The following TBL1XR1 variants were observed in gnomAD, a reference collection of about 807,000 sequenced individuals.
TBL1XR1 encodes the protein TBL1X/Y related 1, also known as F-box-like/WD repeat-containing protein TBL1XR1.
Under a neutral mutation model 66.9 loss-of-function variants are expected in TBL1XR1, and 5 were observed. That is an observed-to-expected ratio of 0.07 (90% CI 0.04 to 0.16). The LOEUF (loss-of-function observed/expected upper bound fraction) is 0.16. Among genes scored for constraint, TBL1XR1 ranks in the 10% least tolerant of loss-of-function variants. The pLI is 1.00. For synonymous variants in TBL1XR1, 210 were observed against 206.0 expected, an observed-to-expected ratio of 1.02 and a Z score of -0.17; for missense variants, 238 against 623.2, an observed-to-expected ratio of 0.38 and a Z score of 6.58.
At chr3:177,132,750 C>T (rs576889340) in intron 1 of TBL1XR1, among the ~76,000 whole-genome samples, 1 of 152,120 alleles carries the variant, frequency 6.6e-6, no homozygotes, top group East Asian at 1.9e-4. Flanking sequence ...AGTTTGATTC[C>T]CACAAAAGTA....
chr3:177,080,291 C>T (rs1333214360), intron 2 of TBL1XR1, among the ~76,000 whole-genome samples: 1 of 152,088 alleles, frequency 6.6e-6, no homozygotes, highest in Non-Finnish European at 1.5e-5. Flanking sequence ...TAATGAGTAA[C>T]CCAAATTATG....
chr3:177,042,779 C>T (rs1261561961), intron 10 of TBL1XR1, among the ~76,000 whole-genome samples: 1 of 151,986 alleles, frequency 6.6e-6, no homozygotes, highest in Non-Finnish European at 1.5e-5. Context: ...AATCTTGGAG[C>T]TAAAGTTAAC....
upstream of TBL1XR1, among the ~76,000 whole-genome samples, chr3:177,201,340 G>C (rs980657341): frequency 6.6e-6 from 1 of 151,032 alleles, no homozygotes; most frequent in African/African-American, 2.4e-5. Flanking sequence ...GAAACCGAGA[G>C]GGGGAGGTTG....
intron 14 of TBL1XR1, among the ~76,000 whole-genome samples, chr3:177,031,832 C>A (rs1397766516): frequency 6.6e-6 from 1 of 151,670 alleles, no homozygotes; most frequent in African/African-American, 2.4e-5. Flanking sequence ...GCTTAATAAT[C>A]ATTTGTTCAA....
At chr3:177,177,940 C>G (rs1473723479) in intron 1 of TBL1XR1, among the ~76,000 whole-genome samples, 1 of 151,856 alleles carries the variant, frequency 6.6e-6, no homozygotes, top group Non-Finnish European at 1.5e-5. Context: ...GAATAAGGGT[C>G]TGATGGCTGA....
At chr3:177,120,117 C>A (rs1416518784) in intron 1 of TBL1XR1, among the ~76,000 whole-genome samples, 9 of 152,100 alleles carry the variant, frequency 5.9e-5, no homozygotes, top group Admixed American at 5.9e-4. Context: ...GAATTGATAA[C>A]CTTAACTTCT....
At chr3:177,051,344 C>T (rs1198518989) in intron 5 of TBL1XR1, among the ~76,000 whole-genome samples, 160 bp downstream of exon 5, 1 of 151,942 alleles carries the variant, frequency 6.6e-6, no homozygotes. Context: ...AACTATTGGG[C>T]ACTAGGCTTA....
chr3:177,176,874 C>G (rs1468460995), intron 1 of TBL1XR1, among the ~76,000 whole-genome samples: 1 of 151,968 alleles, frequency 6.6e-6, no homozygotes, highest in East Asian at 1.9e-4. Context: ...CAGCTACTGA[C>G]GAGGCTGAGG....
chr3:177,197,617 G>T (rs868780620), upstream of TBL1XR1, among the ~76,000 whole-genome samples: 5 of 138,396 alleles, frequency 3.6e-5, no homozygotes, highest in Non-Finnish European at 4.8e-5. Context: ...AGCGGCCTGC[G>T]CCGGGCGGGC....
chr3:177,196,541 C>G (rs2109027590), intron 1 of TBL1XR1: 1 of 148,486 alleles, frequency 6.7e-6, no homozygotes, highest in Admixed American at 6.7e-5. Context: ...CCGCAGCCCC[C>G]AGCACGCCGG....
At chr3:177,079,160 G>A (rs970761807) in intron 2 of TBL1XR1, among the ~76,000 whole-genome samples, 16 of 151,988 alleles carry the variant, frequency 1.1e-4, no homozygotes, top group Admixed American at 3.3e-4. Flanking sequence ...GGCCGGGTGC[G>A]GTGGCTCACA....
At chr3:177,092,089 G>A (rs1722905593) in intron 2 of TBL1XR1, among the ~76,000 whole-genome samples, 2 of 152,150 alleles carry the variant, frequency 1.3e-5, no homozygotes, top group African/African-American at 4.8e-5. Flanking sequence ...TGAAATATCT[G>A]CAGTATAACG....
chr3:177,177,072 A>G (rs1734243566), intron 1 of TBL1XR1, among the ~76,000 whole-genome samples: 1 of 152,140 alleles, frequency 6.6e-6, no homozygotes, highest in Non-Finnish European at 1.5e-5. Context: ...ATCCCAGCTG[A>G]CTCAATGCTC....
intron 2 of TBL1XR1, among the ~76,000 whole-genome samples, chr3:177,093,917 C>T (rs769968993): frequency 1.2e-4 from 19 of 152,158 alleles, no homozygotes; most frequent in South Asian, 2.1e-4. Context: ...GCTTGGGCAA[C>T]GACTTCATGA....
At chr3:177,045,856 T>A (rs908448687) in intron 10 of TBL1XR1, among the ~76,000 whole-genome samples, 2 of 152,050 alleles carry the variant, frequency 1.3e-5, no homozygotes, top group African/African-American at 4.8e-5. Context: ...AAACCTAGAT[T>A]TTCTGATTCA....
Position 177,020,174 on chromosome 3 carries a change from G to A in TBL1XR1, c.*5324C>T, listed in dbSNP as rs892377033. On this transcript the variant is annotated 3_prime_UTR_variant, in exon 16 of 16. Coordinates refer to ENST00000457928, the MANE Select transcript of TBL1XR1 (RefSeq NM_024665.7). ...TTGTGAAGCAAAAAAAGGTCACCGA[G>A]AAGTTGAGCCTCCTGCCCTAATCTT... 6.6e-6 allele frequency: 1 copy of A among 151,916 alleles called. No homozygotes were observed. Among genetic ancestry groups the A allele is most frequent in the Non-Finnish European group, 1.5e-5 (1 of 67,982 alleles). The allele number at this position is 151,916 out of a possible 1,614,324, so 9.4% of individuals were successfully genotyped here. A position where few individuals can be genotyped will look rare whatever the true frequency, so the allele number is the denominator to read the frequency against.
At chr3:177,100,476 T>G (rs1333297358) in intron 1 of TBL1XR1, among the ~76,000 whole-genome samples, 1 of 151,946 alleles carries the variant, frequency 6.6e-6, no homozygotes, top group Non-Finnish European at 1.5e-5. Flanking sequence ...CAGGCTGAAG[T>G]GCCATGGCAC....
chr3:177,166,669 C>A (rs1442820409), intron 1 of TBL1XR1, among the ~76,000 whole-genome samples: 5 of 152,194 alleles, frequency 3.3e-5, no homozygotes, highest in African/African-American at 9.7e-5. Context: ...CCCAGCCATG[C>A]AGAACTGTGA....
intron 1 of TBL1XR1, among the ~76,000 whole-genome samples, chr3:177,194,992 A>G (rs1736647357): frequency 6.6e-6 from 1 of 152,148 alleles, no homozygotes; most frequent in African/African-American, 2.4e-5. Context: ...GCTTTGCAAC[A>G]ATTTTTATGC....
Sources: gnomAD v4.1 joint callset for allele counts (sites outside exome capture counted in the v4.1 genomes callset) on GRCh38, gnomAD v4.1.1 for gene constraint, MANE v1.5 for transcripts, NCBI Gene and HGNC (gene_info 2026-07-23, HGNC 2026-07-21) for gene names.